Variants in C16orf74 observed in about 807,000 individuals in gnomAD.
C16orf74 encodes uncharacterized protein C16orf74.
C16orf74 carries 10 observed loss-of-function variants against 6.5 expected under a neutral mutation model. The observed-to-expected ratio is 1.54, with a 90% CI of 0.95 to 2.61. The LOEUF (loss-of-function observed/expected upper bound fraction) is 2.61, where lower values mean the gene tolerates loss of function less well. Ranked by LOEUF, C16orf74 falls within the 30% of genes most tolerant of loss-of-function variation. The probability of loss-of-function intolerance (pLI) is 0.00; values close to 1 mark genes in which losing one functional copy is unlikely to be tolerated. For synonymous variants in C16orf74, 60 were observed against 42.5 expected (o/e 1.41, Z -1.60); for missense variants, 141 against 105.9 (o/e 1.33, Z -1.45).
intron 2 of C16orf74, among the ~76,000 whole-genome samples, chr16:85,729,561 G>A (rs1018842061): frequency 6.6e-6 from 1 of 152,218 alleles, no homozygotes; most frequent in Non-Finnish European, 1.5e-5. Context: ...GCTGAATAGT[G>A]TCCCCCAAAT....
chr16:85,709,495 G>GTTGTTATTATTATTA (rs150032889), intron 3 of C16orf74, among the ~76,000 whole-genome samples: 57 of 147,418 alleles, frequency 3.9e-4, no homozygotes, highest in African/African-American at 1.3e-3. Context: ...CATCCCCAAT[G>GTTGTTATTATTATTA]TTATTATTAT....
chr16:85,750,322 G>C (rs950577004), intron 1 of C16orf74, among the ~76,000 whole-genome samples: 2 of 151,828 alleles, frequency 1.3e-5, no homozygotes, highest in Non-Finnish European at 2.9e-5. Context: ...CCTATCCCTG[G>C]GGGGAGCTGC....
intron 2 of C16orf74, among the ~76,000 whole-genome samples, chr16:85,732,604 T>G (rs779464942): frequency 7.4e-6 from 1 of 135,364 alleles, no homozygotes; most frequent in Non-Finnish European, 1.5e-5. Context: ...AGGCGGGGGT[T>G]GCAGTGAGTC....
At chr16:85,721,094 A>C (rs995627621) in intron 2 of C16orf74, among the ~76,000 whole-genome samples, 1 of 152,156 alleles carries the variant, frequency 6.6e-6, no homozygotes, top group African/African-American at 2.4e-5. Flanking sequence ...TCTGTCTCCA[A>C]AGAAAAGAAA....
chr16:85,746,167 T>C (rs112261317), intron 1 of C16orf74, among the ~76,000 whole-genome samples: 5,020 of 152,144 alleles, frequency 0.033, 281 homozygotes, highest in African/African-American at 0.11. Flanking sequence ...CTGGCCAACA[T>C]GATGACACCC....
chr16:85,719,288 C>G (rs2054055720), intron 2 of C16orf74, among the ~76,000 whole-genome samples: 1 of 152,182 alleles, frequency 6.6e-6, no homozygotes, highest in African/African-American at 2.4e-5. Flanking sequence ...TTATCTGTGC[C>G]TTTCCCCTAC....
At chr16:85,729,740 G>A (rs1404739927) in intron 2 of C16orf74, among the ~76,000 whole-genome samples, 1 of 152,132 alleles carries the variant, frequency 6.6e-6, no homozygotes, top group African/African-American at 2.4e-5. Flanking sequence ...TTGAATGCAG[G>A]GCAACATGAA....
At chr16:85,750,109 C>A (rs938976878) in intron 1 of C16orf74, among the ~76,000 whole-genome samples, 2 of 152,326 alleles carry the variant, frequency 1.3e-5, no homozygotes, top group African/African-American at 4.8e-5. Flanking sequence ...GCCTCAGTTT[C>A]CTAACCTGTA....
intron 1 of C16orf74, among the ~76,000 whole-genome samples, chr16:85,742,618 T>A (rs1378035863): frequency 2.0e-5 from 3 of 152,070 alleles, no homozygotes; most frequent in Non-Finnish European, 4.4e-5. Context: ...CTCGGCTCAC[T>A]GCAACCTCCG....
intron 2 of C16orf74, among the ~76,000 whole-genome samples, chr16:85,716,959 T>G (rs945518031): frequency 6.6e-6 from 1 of 152,180 alleles, no homozygotes; most frequent in Admixed American, 6.5e-5. Context: ...TTCCTGAGCC[T>G]GGGATTCCAG....
chr16:85,716,388 G>C (rs1158301482), intron 2 of C16orf74, among the ~76,000 whole-genome samples: 1 of 144,862 alleles, frequency 6.9e-6, no homozygotes, highest in African/African-American at 2.6e-5. Context: ...AGAGAGGAGA[G>C]GAGGGAGAAG....
At chr16:85,743,377 A>G (rs1245539809) in intron 1 of C16orf74, 3 of 152,318 alleles carry the variant, frequency 2.0e-5, no homozygotes, top group Middle Eastern at 3.4e-3. Context: ...TATAAAAACG[A>G]TGCCACTGAA....
intron 2 of C16orf74, among the ~76,000 whole-genome samples, chr16:85,722,745 C>G (rs1205106758): frequency 6.6e-6 from 1 of 151,980 alleles, no homozygotes; most frequent in East Asian, 1.9e-4. Flanking sequence ...GACGGGAAAG[C>G]CCCGGCCCAG....
chr16:85,749,329 A>C (rs1007483184), intron 1 of C16orf74, among the ~76,000 whole-genome samples: 26 of 152,108 alleles, frequency 1.7e-4, no homozygotes, highest in Admixed American at 1.6e-3. Context: ...TCTGTTGCCC[A>C]GGCTGGAATG....
At chr16:85,717,046 C>T (rs1159555858) in intron 2 of C16orf74, among the ~76,000 whole-genome samples, 1 of 152,178 alleles carries the variant, frequency 6.6e-6, no homozygotes, top group Non-Finnish European at 1.5e-5. Flanking sequence ...GGAAGACCTC[C>T]CCACTTCCGG....
intron 2 of C16orf74, among the ~76,000 whole-genome samples, chr16:85,730,020 C>T (rs1333515343): frequency 6.6e-6 from 1 of 152,150 alleles, no homozygotes; most frequent in Non-Finnish European, 1.5e-5. Flanking sequence ...CCAGCCAAGT[C>T]GGGTGCCATC....
intron 2 of C16orf74, among the ~76,000 whole-genome samples, chr16:85,718,119 G>C (rs1415948873): frequency 6.6e-6 from 1 of 152,144 alleles, no homozygotes; most frequent in Non-Finnish European, 1.5e-5. Flanking sequence ...TTTTGAGACA[G>C]GGTCTCTCTC....
rs555011746 is a variant in C16orf74, at chr16:85,734,808, C to A, written c.28+382G>T. Among the ~76,000 whole-genome samples, 57 of 152,308 alleles carry A rather than the reference C, an allele frequency of 3.7e-4. 1 individual carries two copies. The highest frequency in any genetic ancestry group is 3.3e-3 in the Admixed American group (50 of 15,308). On this transcript the variant is annotated intron_variant, in intron 2 of 3. Coordinates refer to ENST00000284245, the MANE Select transcript of C16orf74 (RefSeq NM_206967.3). ...GGCCTTCTCTCCTACCACCTGGACG[C>A]TGGACCTCCTGTCTGGGTGATAACA...
intron 1 of C16orf74, among the ~76,000 whole-genome samples, chr16:85,736,052 G>C (rs796458294): frequency 1.3e-5 from 2 of 152,130 alleles, no homozygotes; most frequent in African/African-American, 4.8e-5. Context: ...CCCTAGGCTG[G>C]GGCCCCACCC....
Sources: gnomAD v4.1 joint callset for allele counts (sites outside exome capture counted in the v4.1 genomes callset) on GRCh38, gnomAD v4.1.1 for gene constraint, MANE v1.5 for transcripts, NCBI Gene and HGNC (gene_info 2026-07-23, HGNC 2026-07-21) for gene names.